Variants in VPS26C observed in about 807,000 individuals in gnomAD.
The protein encoded by VPS26C is VPS26 endosomal protein sorting factor C.
A neutral mutation model predicts 30.6 loss-of-function variants in VPS26C; 19 were observed. The ratio of observed to expected loss-of-function variants is 0.62; its 90% CI spans 0.43 to 0.91. VPS26C has a LOEUF of 0.91. Ranked by LOEUF, VPS26C falls within the 40% of genes least tolerant of loss-of-function variation. VPS26C has a pLI of 0.00. For missense variants in VPS26C, 318 were observed against 385.1 expected (o/e 0.83, Z 1.46); for synonymous variants, 132 against 151.5 (o/e 0.87, Z 0.95).
Position 37,233,506 on chromosome 21 carries a change from T to C in VPS26C, c.352-64A>G, listed in dbSNP as rs1479013419. 1.0e-5 allele frequency: 12 copies of C among 1,182,794 alleles called. No individual in the cohort carries two copies. The highest frequency in any genetic ancestry group is 4.7e-5 in the East Asian group (2 of 42,654). 73.3% of individuals were successfully genotyped at this position (1,182,794 alleles called of 1,614,324 possible). A position where few individuals can be genotyped will look rare whatever the true frequency, so the allele number is the denominator to read the frequency against. ...GGGATTTGCTTTCATCTTGGAATTATATTCAAAGAGACAAGTCAGTCAACA... is the reference window on the plus strand; with the variant it reads ...GGGATTTGCTTTCATCTTGGAATTACATTCAAAGAGACAAGTCAGTCAACA... On this transcript the variant is annotated intron_variant, in intron 3 of 7. Coordinates refer to ENST00000309117, the MANE Select transcript of VPS26C (RefSeq NM_006052.2). This position sits in a 1 kb window ranked among gnomAD's most constrained non-coding sequence, Gnocchi z 5.2.
intron 5 of VPS26C, chr21:37,228,593 T>C: frequency 1.9e-6 from 1 of 517,302 alleles, no homozygotes. Context: ...TGACTGACAC[T>C]CTGTGTACAG....
At chr21:37,240,360 AGCG>A in intron 2 of VPS26C, 133 bp downstream of exon 2, 1 of 916,748 alleles carries the variant, frequency 1.1e-6, no homozygotes, top group Non-Finnish European at 1.6e-6. Context: ...CCTGGGCTCA[AGCG>A]ATCCTCCCGC....
intron 3 of VPS26C, among the ~76,000 whole-genome samples, chr21:37,235,876 T>C (rs1602268635): frequency 5.6e-5 from 1 of 17,900 alleles, no homozygotes; most frequent in Non-Finnish European, 1.2e-4. Flanking sequence ...TATATATATA[T>C]ATATTTTTTT....
At chr21:37,232,347 C>A (rs1210515083) in intron 5 of VPS26C, 30 bp downstream of exon 5, 1 of 1,605,234 alleles carries the variant, frequency 6.2e-7, no homozygotes, top group Non-Finnish European at 8.5e-7. Context: ...GGAAGATACC[C>A]ACGGCATTCG....
intron 1 of VPS26C, among the ~76,000 whole-genome samples, chr21:37,265,418 T>C (rs2086348387): frequency 6.6e-6 from 1 of 152,220 alleles, no homozygotes; most frequent in African/African-American, 2.4e-5. Context: ...TAAACATATG[T>C]GCACAGTCTA....
At chr21:37,267,553 A>T, upstream of VPS26C, 1 of 551,884 alleles carries the variant, frequency 1.8e-6, no homozygotes, top group Non-Finnish European at 3.2e-6. Flanking sequence ...GGCGTGAAAG[A>T]CGGGGCCAAG....
chr21:37,267,240 C>CACTTAAA lies in VPS26C; in HGVS notation c.54_55insTTTAAGT (p.Gly19PhefsTer15). 1 of 1,611,216 alleles carries CACTTAAA rather than the reference C, an allele frequency of 6.2e-7. No individual in the cohort carries two copies. The highest frequency in any genetic ancestry group is 8.5e-7 in the Non-Finnish European group (1 of 1,177,740). On this transcript the variant is annotated frameshift_variant, in exon 1 of 8. Coordinates refer to ENST00000309117, the MANE Select transcript of VPS26C (RefSeq NM_006052.2). LOFTEE classifies it high-confidence loss of function. The stretch of plus-strand genomic sequence containing the variant: ...CCCCACCCCCAGCCCCCACTTACCC[C>CACTTAAA]GGCGTGATAAACTTTATTCGCTCTT...
rs560135210 is a variant in VPS26C at position 37,256,237 on chromosome 21, T to C, written c.57+11001A>G. The stretch of plus-strand genomic sequence containing the variant: ...GAAAAAACTTCAACTTTGTTGCCTC[T>C]TGCTAGTCACAACATCCTATAACTA... On this transcript the variant is annotated intron_variant, in intron 1 of 7. Coordinates refer to ENST00000309117, the MANE Select transcript of VPS26C (RefSeq NM_006052.2). 3.9e-5 allele frequency among the ~76,000 whole-genome samples: 6 copies of C among 152,334 alleles called. No individual in the cohort carries two copies. In the East Asian group the frequency reaches 9.6e-4, roughly 24 times the overall value.
At chr21:37,241,383 G>A (rs1051468229) in intron 1 of VPS26C, among the ~76,000 whole-genome samples, 2 of 152,156 alleles carry the variant, frequency 1.3e-5, no homozygotes, top group Admixed American at 1.3e-4. Context: ...AACTGCATTC[G>A]CTATTGGAGA....
intron 1 of VPS26C, among the ~76,000 whole-genome samples, chr21:37,258,008 T>C (rs1402642300): frequency 1.3e-5 from 2 of 152,168 alleles, no homozygotes; most frequent in Non-Finnish European, 2.9e-5. Context: ...GGCCAGTGTG[T>C]GGCGGAGATG....
At chr21:37,267,209 C>T (rs780776663) in intron 1 of VPS26C, 29 bp downstream of exon 1, 14 of 1,026,294 alleles carry the variant, frequency 1.4e-5, no homozygotes, top group African/African-American at 3.2e-5. Flanking sequence ...CCAACCCCAC[C>T]TCCATCCCCA....
chr21:37,249,074 T>C (rs1204023393), intron 1 of VPS26C, among the ~76,000 whole-genome samples: 1 of 152,096 alleles, frequency 6.6e-6, no homozygotes, highest in Non-Finnish European at 1.5e-5. Context: ...AGTAAAATAA[T>C]AGAAGGATGA....
At chr21:37,229,902 C>T (rs1043240183) in intron 5 of VPS26C, among the ~76,000 whole-genome samples, 12 of 152,188 alleles carry the variant, frequency 7.9e-5, no homozygotes, top group African/African-American at 2.9e-4. Flanking sequence ...TTTTTAGAGA[C>T]AGGGTCTTGC....
At chr21:37,228,550 T>G in intron 5 of VPS26C, 177 bp from the exon 6 acceptor site, 1 of 622,066 alleles carries the variant, frequency 1.6e-6, no homozygotes. Flanking sequence ...ATTAGCCGGC[T>G]GAATTATTCA....
chr21:37,238,210 G>A (rs1205816663), intron 3 of VPS26C: 3 of 468,462 alleles, frequency 6.4e-6, no homozygotes, highest in Admixed American at 8.1e-5. Flanking sequence ...GGCCTGAAAA[G>A]AGCCCAGAAG....
chr21:37,246,319 T>C (rs1487795725), intron 1 of VPS26C, among the ~76,000 whole-genome samples: 1 of 152,062 alleles, frequency 6.6e-6, no homozygotes, highest in Non-Finnish European at 1.5e-5. Flanking sequence ...AGCAGAATGA[T>C]ACAACAATGC....
chr21:37,249,532 A>G (rs2086170555), intron 1 of VPS26C, among the ~76,000 whole-genome samples: 1 of 152,240 alleles, frequency 6.6e-6, no homozygotes, highest in African/African-American at 2.4e-5. Flanking sequence ...GACAAAACTT[A>G]AAACATGCCT....
intron 3 of VPS26C, among the ~76,000 whole-genome samples, chr21:37,235,626 TTTAAA>T (rs1410785221): frequency 2.0e-5 from 3 of 151,884 alleles, no homozygotes; most frequent in Admixed American, 2.0e-4. Context: ...TTGCCTACAA[TTTAAA>T]TTATTGTAAA....
At chr21:37,250,170 T>C (rs1602279663) in intron 1 of VPS26C, among the ~76,000 whole-genome samples, 1 of 152,200 alleles carries the variant, frequency 6.6e-6, no homozygotes, top group Middle Eastern at 3.4e-3. Context: ...CCAGGCATGA[T>C]GATACATGCC....
Sources: gnomAD v4.1 joint callset for allele counts (sites outside exome capture counted in the v4.1 genomes callset) on GRCh38, gnomAD v4.1.1 for gene constraint, Gnocchi (gnomAD v3.1) non-coding constraint, MANE v1.5 for transcripts, NCBI Gene and HGNC (gene_info 2026-07-23, HGNC 2026-07-21) for gene names.